Variants in UTP6 observed in about 807,000 individuals in gnomAD.
UTP6 encodes U3 small nucleolar RNA-associated protein 6 homolog.
Under a neutral mutation model 96.5 loss-of-function variants are expected in UTP6, and 60 were observed. The observed-to-expected ratio is 0.62, with a 90% CI of 0.51 to 0.77. The LOEUF is 0.77. Among genes scored for constraint, UTP6 ranks in the 30% least tolerant of loss-of-function variants. UTP6 has a pLI of 0.00. For missense variants in UTP6, 637 were observed against 706.5 expected (o/e 0.90, Z 1.12); for synonymous variants, 215 against 240.1 (o/e 0.90, Z 0.96).
chr17:31,889,113 C>G (rs558193944), intron 7 of UTP6, among the ~76,000 whole-genome samples, 172 bp downstream of exon 7: 1 of 151,922 alleles, frequency 6.6e-6, no homozygotes, highest in Non-Finnish European at 1.5e-5. Flanking sequence ...GGCAAAACCC[C>G]GCCTCTACTA....
chr17:31,868,652 C>T (rs1351539645), intron 16 of UTP6, among the ~76,000 whole-genome samples: 1 of 152,082 alleles, frequency 6.6e-6, no homozygotes, highest in Middle Eastern at 3.2e-3. Flanking sequence ...CTGTACTCTT[C>T]TTTATCAATT....
At chr17:31,872,032 A>G (rs932648719) in intron 16 of UTP6, among the ~76,000 whole-genome samples, 1 of 151,904 alleles carries the variant, frequency 6.6e-6, no homozygotes, top group South Asian at 2.1e-4. Context: ...CTTATCTACT[A>G]AAAATATAAA....
At chr17:31,875,100 A>G in intron 14 of UTP6, 134 bp downstream of exon 14, 1 of 992,944 alleles carries the variant, frequency 1.0e-6, no homozygotes, top group East Asian at 2.4e-5. Context: ...CTCTTAACCT[A>G]TGAACCATCA....
At chr17:31,877,948 C>G (rs1910592519) in intron 13 of UTP6, among the ~76,000 whole-genome samples, 1 of 132,656 alleles carries the variant, frequency 7.5e-6, no homozygotes, top group Admixed American at 8.7e-5. Flanking sequence ...GCCTGGGCAA[C>G]AGAGTGAAAC....
intron 6 of UTP6, among the ~76,000 whole-genome samples, chr17:31,890,784 T>C (rs866833488): frequency 1.3e-5 from 2 of 151,548 alleles, no homozygotes; most frequent in African/African-American, 2.4e-5. Flanking sequence ...CTGGGAGTTC[T>C]GAGACCAGTC....
chr17:31,899,017 G>C (rs184094050), intron 2 of UTP6, among the ~76,000 whole-genome samples: 57 of 152,058 alleles, frequency 3.7e-4, no homozygotes, highest in African/African-American at 1.3e-3. Context: ...GGGTGACAGA[G>C]CAAGACTCTT....
intron 1 of UTP6, among the ~76,000 whole-genome samples, 187 bp from the exon 2 acceptor site, chr17:31,899,917 G>A (rs190272240): frequency 7.9e-5 from 12 of 152,204 alleles, no homozygotes; most frequent in African/African-American, 2.4e-4. Flanking sequence ...AGGCTGAGGC[G>A]GGTAGATCAA....
intron 1 of UTP6, among the ~76,000 whole-genome samples, chr17:31,899,992 A>C (rs904816421): frequency 3.3e-5 from 5 of 151,808 alleles, no homozygotes; most frequent in African/African-American, 1.2e-4. Flanking sequence ...AAAAATACAA[A>C]AATTAGCTGG....
rs1401340374 is a variant in UTP6 at position 31,892,770 on chromosome 17, A to T, written c.337T>A (p.Tyr113Asn). ...WKDDVQLWLS[Y>N]VAFCKKWATK... is the part of the protein sequence containing the mutation. ...ACCCACTTCTTACAAAAAGCCACAT[A>T]GGAGAGCCAAAGTTGAACATCGTCC... The change falls in exon 5 of 19, where the codon TAT (tyrosine) becomes AAT (asparagine). Residue 113 changes from tyrosine (Y) to asparagine (N), a missense_variant. Physicochemically the swap from Tyr to Asn is moderately radical, Grantham distance 143 (BLOSUM62 -2). Transcript: ENST00000261708. The T allele has an allele frequency of 1.8e-5, 29 of 1,614,070 alleles. No individual in the cohort carries two copies. Among genetic ancestry groups the T allele is most frequent in the Middle Eastern group, 1.6e-4 (1 of 6,082 alleles).
In UTP6 at chr17:31,878,694, A is replaced by C. The variant is rs369747159; in HGVS notation, c.1047+8T>G. 1.2e-6 allele frequency: 2 copies of C among 1,613,348 alleles called. No individual in the cohort carries two copies. Among genetic ancestry groups the C allele is most frequent in the Non-Finnish European group, 1.7e-6 (2 of 1,179,564 alleles). ...TAGTCAACCACTGTAACCATGTAAC[A>C]ACCTCACCTTCCCTCTAAGGAACCC... On this transcript the variant is annotated splice_region_variant and intron_variant, in intron 12 of 18. Transcript: ENST00000261708.
Position 31,861,306 on chromosome 17 carries a change from A to T in UTP6, c.*2053T>A, listed in dbSNP as rs182188556. ...AACAAATGAGAAACAAGATATTAAT[A>T]TTCTGAATATGTTTTTAAAAACTCT... is the stretch of plus-strand genomic sequence containing the variant. On this transcript the variant is annotated 3_prime_UTR_variant, in exon 19 of 19. Transcript: ENST00000261708. The T allele has an allele frequency of 6.6e-6, 1 of 152,220 alleles. No individual in the cohort carries two copies. Among genetic ancestry groups the T allele is most frequent in the Non-Finnish European group, 1.5e-5 (1 of 68,016 alleles). The allele number at this position is 152,220 out of a possible 1,614,324, so 9.4% of individuals were successfully genotyped here. A position where few individuals can be genotyped will look rare whatever the true frequency, so the allele number is the denominator to read the frequency against.
At chr17:31,901,273 G>A in intron 1 of UTP6, 2 of 462,160 alleles carry the variant, frequency 4.3e-6, no homozygotes, top group Non-Finnish European at 8.0e-6. Flanking sequence ...TAATGAGCAG[G>A]AATCCTGGGT....
At chr17:31,868,152 A>G in intron 16 of UTP6, 40 bp from the exon 17 acceptor site, 1 of 1,585,062 alleles carries the variant, frequency 6.3e-7, no homozygotes, top group Non-Finnish European at 8.6e-7. Context: ...AACAATGACA[A>G]AAAGCCTCTT....
chr17:31,863,621 T>C (rs1909651303), intron 18 of UTP6, 105 bp from the exon 19 acceptor site: 1 of 1,022,380 alleles, frequency 9.8e-7, no homozygotes, highest in Non-Finnish European at 1.4e-6. Flanking sequence ...AACTTCTCAT[T>C]GTTACTTCCC....
intron 5 of UTP6, 120 bp from the exon 6 acceptor site, chr17:31,892,443 CTA>C (rs1424804905): frequency 9.7e-7 from 1 of 1,036,124 alleles, no homozygotes; most frequent in Non-Finnish European, 1.4e-6. Flanking sequence ...CATGCTATTG[CTA>C]GGGATATATA....
At chr17:31,892,657 A>G in intron 5 of UTP6, 90 bp downstream of exon 5, 3 of 1,530,530 alleles carry the variant, frequency 2.0e-6, no homozygotes, top group Non-Finnish European at 2.7e-6. Context: ...TTAACCCTAC[A>G]CTTCAGGAAA....
Position 31,878,827 on chromosome 17 carries a change from C to T in UTP6, c.968-46G>A, listed in dbSNP as rs1007003224. 5 of 1,533,300 alleles carry T rather than the reference C, an allele frequency of 3.3e-6. No homozygotes were observed. In the African/African-American group the frequency reaches 5.5e-5, roughly 17 times the overall value. 95.0% of individuals were successfully genotyped at this position (1,533,300 alleles called of 1,614,324 possible). A position where few individuals can be genotyped will look rare whatever the true frequency, so the allele number is the denominator to read the frequency against. ...GTGTTGATCAGATCACTTAGTTCAA[C>T]ATTCATCACATCAAAGTTATTAAAA... On this transcript the variant is annotated intron_variant, in intron 11 of 18. Coordinates refer to ENST00000261708, the MANE Select transcript of UTP6 (RefSeq NM_018428.3).
intron 6 of UTP6, chr17:31,892,053 T>G: frequency 1.8e-6 from 1 of 562,180 alleles, no homozygotes. Context: ...CCTTCTTGCC[T>G]GCAGATACAA....
chr17:31,892,549 C>A (rs1598116597), intron 5 of UTP6, among the ~76,000 whole-genome samples, 198 bp downstream of exon 5: 6 of 152,152 alleles, frequency 3.9e-5, no homozygotes. Context: ...AACAAACACA[C>A]GTAAAAATTA....
Sources: allele counts gnomAD v4.1 joint callset (sites outside exome capture counted in the v4.1 genomes callset), GRCh38; gene constraint gnomAD v4.1.1; transcripts MANE v1.5; gene names NCBI Gene and HGNC (gene_info 2026-07-23, HGNC 2026-07-21).